Variants in LTBP1 observed in about 807,000 individuals in gnomAD.
The protein encoded by LTBP1 is latent-transforming growth factor beta-binding protein 1.
LTBP1 carries 129 observed loss-of-function variants against 207.6 expected under a neutral mutation model. The observed-to-expected ratio is 0.62, with a 90% confidence interval of 0.54 to 0.72. The LOEUF (loss-of-function observed/expected upper bound fraction) is 0.72. Among genes scored for constraint, LTBP1 ranks in the 30% least tolerant of loss-of-function variants. The pLI, the probability that LTBP1 is intolerant of heterozygous loss-of-function variation, is 0.00. For missense variants in LTBP1, 2,281 were observed against 2,217.2 expected, an observed-to-expected ratio of 1.03 and a Z score of -0.58; for synonymous variants, 963 against 833.7, an observed-to-expected ratio of 1.16 and a Z score of -2.67.
chr2:33,138,409 A>T (rs2082315218), intron 5 of LTBP1, among the ~76,000 whole-genome samples: 1 of 151,930 alleles, frequency 6.6e-6, no homozygotes, highest in African/African-American at 2.4e-5. Flanking sequence ...GTTACTTTAA[A>T]TGGTACTTCC....
chr2:33,256,550 T>G (rs2092856873), intron 11 of LTBP1, among the ~76,000 whole-genome samples: 2 of 151,478 alleles, frequency 1.3e-5, no homozygotes, highest in Non-Finnish European at 2.9e-5. Flanking sequence ...ACTAATGAAA[T>G]TACATCAAAG....
chr2:32,985,527 G>T (rs1181744655), intron 2 of LTBP1, among the ~76,000 whole-genome samples: 1 of 152,178 alleles, frequency 6.6e-6, no homozygotes, highest in Non-Finnish European at 1.5e-5. Context: ...CAAGCCTGGA[G>T]ATGTGTCTAA....
chr2:32,947,716 T>TCAC lies in LTBP1; in HGVS notation c.395_397dup (p.Thr132dup), dbSNP rs771607210. 3.1e-5 allele frequency: 48 copies of TCAC among 1,534,598 alleles called. No homozygotes were observed. The highest frequency in any genetic ancestry group is 3.7e-5 in the Non-Finnish European group (42 of 1,142,150). On this transcript the variant is annotated inframe_insertion, in exon 1 of 34. Transcript: ENST00000404816. ...GGCGGCCACCCGGCAGCCGCCCCGT[T>TCAC]CACCAAACAAGGCAGGCAAGTTGTG...
chr2:33,228,697 C>CTTTTTTTCTTTTTTTTTTTTTTTTTT (rs2091597528), intron 9 of LTBP1, among the ~76,000 whole-genome samples: 1 of 99,060 alleles, frequency 1.0e-5, no homozygotes, highest in Non-Finnish European at 1.9e-5. Context: ...GGGTTATACC[C>CTTTTTTTCTTTTTTTTTTTTTTTTTT]TTTTTTTTTT....
At chr2:33,393,344 A>C (rs2095332326) in intron 32 of LTBP1, among the ~76,000 whole-genome samples, 1 of 147,218 alleles carries the variant, frequency 6.8e-6, no homozygotes, top group Non-Finnish European at 1.5e-5. Context: ...CACAACGTGC[A>C]GTTTTGTTAC....
intron 1 of LTBP1, among the ~76,000 whole-genome samples, chr2:32,948,577 T>A (rs1244754777): frequency 6.6e-6 from 1 of 152,234 alleles, no homozygotes; most frequent in Non-Finnish European, 1.5e-5. Context: ...AAAATAAATT[T>A]GGCTCTACTG....
chr2:33,398,614 A>C lies in LTBP1; in HGVS notation c.*69A>C. 1 of 1,423,806 alleles carries C rather than the reference A, an allele frequency of 7.0e-7. No homozygotes were observed. Among genetic ancestry groups the C allele is most frequent in the South Asian group, 1.4e-5 (1 of 71,178 alleles). 88.2% of individuals were successfully genotyped at this position (1,423,806 alleles called of 1,614,324 possible). ...AAAGGAAAAGGGAGAAATGTATTAT[A>C]CTTGAGACATTGCACCTACCCCGGA... On this transcript the variant is annotated 3_prime_UTR_variant, in exon 34 of 34. Transcript: ENST00000404816.
intron 22 of LTBP1, among the ~76,000 whole-genome samples, chr2:33,308,006 T>A (rs2149125728): frequency 6.6e-6 from 1 of 152,366 alleles, no homozygotes; most frequent in Admixed American, 6.5e-5. Flanking sequence ...CCATATTCAC[T>A]TCTTCCTGGA....
chr2:33,049,480 T>A (rs1194357530), intron 3 of LTBP1, among the ~76,000 whole-genome samples: 1 of 152,196 alleles, frequency 6.6e-6, no homozygotes, highest in Non-Finnish European at 1.5e-5. Context: ...TAACATATAC[T>A]GGACTTAAAA....
chr2:33,274,284 G>A (rs2093380238), intron 16 of LTBP1, among the ~76,000 whole-genome samples: 1 of 149,022 alleles, frequency 6.7e-6, no homozygotes, highest in Admixed American at 6.7e-5. Context: ...ATCTCAGAAA[G>A]ATATGCAGTA....
intron 5 of LTBP1, among the ~76,000 whole-genome samples, chr2:33,138,086 G>A (rs2082287678): frequency 6.6e-6 from 1 of 152,128 alleles, no homozygotes; most frequent in Non-Finnish European, 1.5e-5. Flanking sequence ...ATAGATATGT[G>A]GAGGTTGTTC....
At chr2:33,207,369 C>T (rs547552438) in intron 7 of LTBP1, among the ~76,000 whole-genome samples, 2 of 149,292 alleles carry the variant, frequency 1.3e-5, no homozygotes, top group African/African-American at 5.2e-5. Flanking sequence ...ACATTTCCAG[C>T]AGTTAAATGC....
intron 5 of LTBP1, among the ~76,000 whole-genome samples, chr2:33,157,393 G>A (rs2084057637): frequency 6.6e-6 from 1 of 152,228 alleles, no homozygotes. Context: ...CTGCGTGCAG[G>A]AGGAGTAAGC....
intron 5 of LTBP1, among the ~76,000 whole-genome samples, chr2:33,158,544 G>C (rs2084196313): frequency 6.6e-6 from 1 of 152,104 alleles, no homozygotes; most frequent in Non-Finnish European, 1.5e-5. Flanking sequence ...ATAGTTCCCT[G>C]GTTAATTCCT....
chr2:33,163,095 C>T (rs998936786), intron 5 of LTBP1, among the ~76,000 whole-genome samples: 2 of 152,220 alleles, frequency 1.3e-5, no homozygotes, highest in African/African-American at 2.4e-5. Context: ...AATCCTCCCA[C>T]GTCAGCCTCC....
intron 2 of LTBP1, among the ~76,000 whole-genome samples, chr2:32,953,517 G>A (rs1267672927): frequency 1.3e-5 from 2 of 152,192 alleles, no homozygotes; most frequent in African/African-American, 4.8e-5. Flanking sequence ...GAAGAGAGAG[G>A]AACCCAGAGG....
chr2:33,077,313 A>G (rs1291127860), intron 3 of LTBP1, among the ~76,000 whole-genome samples: 1 of 152,222 alleles, frequency 6.6e-6, no homozygotes, highest in Non-Finnish European at 1.5e-5. Context: ...CTTTTGGAAA[A>G]GCGTATAAGT....
At chr2:32,961,433 A>G (rs964335461) in intron 2 of LTBP1, among the ~76,000 whole-genome samples, 3 of 152,244 alleles carry the variant, frequency 2.0e-5, no homozygotes, top group African/African-American at 7.2e-5. Context: ...AATCCTTTAA[A>G]AATTGATTAA....
At chr2:33,121,159 C>CTTTTTTTTTTTTTTTTTTTTTT (rs61065486) in intron 4 of LTBP1, among the ~76,000 whole-genome samples, 4 of 87,534 alleles carry the variant, frequency 4.6e-5, no homozygotes, top group Admixed American at 2.8e-4. Flanking sequence ...TTTGTAAAGT[C>CTTTTTTTTTTTTTTTTTTTTTT]TTTTTTTTTT....
Sources: allele counts gnomAD v4.1 joint callset (sites outside exome capture counted in the v4.1 genomes callset), GRCh38; gene constraint gnomAD v4.1.1; transcripts MANE v1.5; gene names NCBI Gene and HGNC (gene_info 2026-07-23, HGNC 2026-07-21).